Variants in GABRG3 observed in about 807,000 individuals in gnomAD.
The protein encoded by GABRG3 is gamma-aminobutyric acid type A receptor subunit gamma3.
In GABRG3, 25 loss-of-function variants were observed where a neutral mutation model predicts 48.8. The ratio of observed to expected loss-of-function variants is 0.51; its 90% confidence interval spans 0.37 to 0.72. The LOEUF is 0.72. Ranked by LOEUF, GABRG3 falls within the 30% of genes least tolerant of loss-of-function variation. The pLI is 0.00. For missense variants in GABRG3, 394 were observed against 577.9 expected, an observed-to-expected ratio of 0.68 and a Z score of 3.26; for synonymous variants, 227 against 217.6, an observed-to-expected ratio of 1.04 and a Z score of -0.38.
chr15:27,193,779 G>A (rs2140424477), intron 3 of GABRG3, among the ~76,000 whole-genome samples: 1 of 152,318 alleles, frequency 6.6e-6, no homozygotes, highest in East Asian at 1.9e-4. Context: ...CGGTACCTCA[G>A]ATGGAAATGC....
At chr15:27,077,481 A>G (rs1362260299) in intron 3 of GABRG3, among the ~76,000 whole-genome samples, 6 of 151,944 alleles carry the variant, frequency 3.9e-5, no homozygotes, top group African/African-American at 7.3e-5. Flanking sequence ...CATTATCTTT[A>G]GAAATGCCAA....
At chr15:27,009,926 C>A (rs1467869144) in intron 2 of GABRG3, among the ~76,000 whole-genome samples, 2 of 151,974 alleles carry the variant, frequency 1.3e-5, no homozygotes, top group Non-Finnish European at 2.9e-5. Flanking sequence ...TCTGCTGCTT[C>A]TTCTTCTTTC....
At position 27,517,958 on chromosome 15, in the gene GABRG3, C is replaced by T. The variant is rs1478890126; in HGVS notation, c.713-2014C>T. ...TTTCTATCAACAACTCTAAATATTG[C>T]TACAACAGAATATTTCATCCTGCAA... On this transcript the variant is annotated intron_variant, in intron 6 of 9. Transcript: ENST00000615808. Among the ~76,000 whole-genome samples, 11 of 151,934 alleles carry T rather than the reference C, an allele frequency of 7.2e-5. No individual in the cohort carries two copies. The South Asian group carries it at 8.3e-4, about 12-fold the overall frequency.
At chr15:27,186,629 C>T (rs1395570327) in intron 3 of GABRG3, among the ~76,000 whole-genome samples, 1 of 152,052 alleles carries the variant, frequency 6.6e-6, no homozygotes, top group African/African-American at 2.4e-5. Flanking sequence ...ACATTTTCAC[C>T]AACAATATTC....
At chr15:27,448,545 T>C (rs545763582) in intron 5 of GABRG3, among the ~76,000 whole-genome samples, 4 of 152,350 alleles carry the variant, frequency 2.6e-5, no homozygotes, top group Admixed American at 2.0e-4. Flanking sequence ...GAAACTTGAT[T>C]CAAATCAGTT....
intron 2 of GABRG3, among the ~76,000 whole-genome samples, chr15:26,997,297 T>C (rs1475495239): frequency 6.6e-6 from 1 of 152,188 alleles, no homozygotes; most frequent in Non-Finnish European, 1.5e-5. Context: ...AATGGCTCTT[T>C]TGACATCTTT....
At chr15:27,034,744 G>A (rs1394346649) in intron 3 of GABRG3, among the ~76,000 whole-genome samples, 2 of 152,210 alleles carry the variant, frequency 1.3e-5, no homozygotes, top group Non-Finnish European at 2.9e-5. Context: ...ATCCAGTCCA[G>A]AGGCCCTTGT....
At chr15:27,311,788 C>T (rs7497035) in intron 3 of GABRG3, among the ~76,000 whole-genome samples, 4,008 of 151,990 alleles carry the variant, frequency 0.026, 136 homozygotes, top group East Asian at 0.089. Context: ...ACCAAGAAAA[C>T]AGGTTGGACT....
rs186043361 is a variant in GABRG3 at position 27,232,357 on chromosome 15, C to T, written c.271-94452C>T. 1.2e-3 allele frequency among the ~76,000 whole-genome samples: 182 copies of T among 152,282 alleles called. 4 individuals carry two copies. The highest frequency in any genetic ancestry group is 5.1e-4 in the Non-Finnish European group (35 of 68,024). On this transcript the variant is annotated intron_variant, in intron 3 of 9. Transcript: ENST00000615808. ...GATGCTTAAAGTAACCCACTCTGCA[C>T]GCGTCTGGTTTGAACTGCAGTCAAG...
At chr15:27,069,649 A>G (rs1896795074) in intron 3 of GABRG3, among the ~76,000 whole-genome samples, 1 of 152,246 alleles carries the variant, frequency 6.6e-6, no homozygotes, top group Non-Finnish European at 1.5e-5. Flanking sequence ...AAACAGGATT[A>G]TTATTTAAAC....
intron 5 of GABRG3, among the ~76,000 whole-genome samples, chr15:27,375,083 C>T (rs1214132931): frequency 6.6e-6 from 1 of 151,952 alleles, no homozygotes; most frequent in African/African-American, 2.4e-5. Context: ...ATTCAATGGG[C>T]CTGAAGAACA....
intron 5 of GABRG3, among the ~76,000 whole-genome samples, chr15:27,422,881 A>G (rs1454999433): frequency 6.6e-6 from 1 of 152,202 alleles, no homozygotes; most frequent in Admixed American, 6.5e-5. Context: ...ATTGTAGCCA[A>G]GGGATACAGA....
intron 3 of GABRG3, among the ~76,000 whole-genome samples, chr15:27,218,492 T>A (rs1047685336): frequency 6.6e-6 from 1 of 152,148 alleles, no homozygotes; most frequent in African/African-American, 2.4e-5. Context: ...TTTGGGGTGA[T>A]GTCTTCTGAA....
intron 3 of GABRG3, among the ~76,000 whole-genome samples, chr15:27,209,910 A>G (rs764882343): frequency 1.3e-5 from 2 of 152,156 alleles, no homozygotes; most frequent in African/African-American, 4.8e-5. Context: ...TTTCCTCTGC[A>G]CGTGCATCCC....
At chr15:27,048,917 C>A (rs1280169993) in intron 3 of GABRG3, among the ~76,000 whole-genome samples, 1 of 152,236 alleles carries the variant, frequency 6.6e-6, no homozygotes, top group African/African-American at 2.4e-5. Flanking sequence ...TCTGTGACAG[C>A]CAGGTCCTGA....
chr15:27,206,479 G>A (rs551384287), intron 3 of GABRG3, among the ~76,000 whole-genome samples: 25 of 152,244 alleles, frequency 1.6e-4, no homozygotes, highest in Admixed American at 4.6e-4. Context: ...TTAGCATATG[G>A]TAAATGTTAG....
At chr15:27,300,683 A>C (rs1160137384) in intron 3 of GABRG3, among the ~76,000 whole-genome samples, 2 of 33,918 alleles carry the variant, frequency 5.9e-5, no homozygotes, top group South Asian at 3.8e-4. Context: ...ATAAGCAAAA[A>C]AAAAAAAAAA....
chr15:27,398,187 G>T (rs1428307550), intron 5 of GABRG3, among the ~76,000 whole-genome samples: 1 of 152,110 alleles, frequency 6.6e-6, no homozygotes, highest in Non-Finnish European at 1.5e-5. Flanking sequence ...ATATGTCAAA[G>T]TCATTTATAA....
rs1555405976 is a variant in GABRG3 at position 27,145,603 on chromosome 15, C to CTATATCTA, written c.270+118783_270+118784insATATCTAT. Among the ~76,000 whole-genome samples, 6 of 102,388 alleles carry CTATATCTA rather than the reference C, an allele frequency of 5.9e-5. No individual in the cohort carries two copies. The South Asian group carries it at 1.9e-3, about 33-fold the overall frequency. The allele number at this position is 102,388 out of a possible 152,430, so 67.2% of individuals were successfully genotyped here. On this transcript the variant is annotated intron_variant, in intron 3 of 9. Transcript: ENST00000615808. The stretch of plus-strand genomic sequence containing the variant: ...ACTAGGCATATATACATATATCTAT[C>CTATATCTA]TCTATCTATCTATCTATCTATCTAT...
Sources: allele counts gnomAD v4.1 joint callset (sites outside exome capture counted in the v4.1 genomes callset), GRCh38; gene constraint gnomAD v4.1.1; transcripts MANE v1.5; gene names NCBI Gene and HGNC (gene_info 2026-07-23, HGNC 2026-07-21).